The following PLEK variants were observed in gnomAD, a reference collection of about 807,000 sequenced individuals.
PLEK encodes pleckstrin, also known as platelet 47 kDa protein.
In PLEK, 25 loss-of-function variants were observed where a neutral mutation model predicts 43.9. That is an observed-to-expected ratio of 0.57 (90% CI 0.41 to 0.79). The LOEUF is 0.79. Among genes scored for constraint, PLEK ranks in the 30% least tolerant of loss-of-function variants. The pLI, the probability that PLEK is intolerant of heterozygous loss-of-function variation, is 0.00. For synonymous variants in PLEK, 152 were observed against 144.4 expected (o/e 1.05, Z -0.38); for missense variants, 396 against 413.3 (o/e 0.96, Z 0.36).
rs1461933894 is a variant in PLEK at position 68,384,161 on chromosome 2, TTCTCCTTCTC to T, written c.472+1529_472+1538del. On this transcript the variant is annotated intron_variant, in intron 4 of 8. Transcript: ENST00000234313. The stretch of plus-strand genomic sequence containing the variant: ...GCTGGTTTTTTTCTTCTTGTTCTCC[TTCTCCTTCTC>T]CTTCTCCTTCTCCTTCTCCTTCTCC... 3.7e-4 allele frequency among the ~76,000 whole-genome samples: 3 copies of T among 8,178 alleles called. No homozygotes were observed. In the African/African-American group the frequency reaches 4.2e-3, roughly 12 times the overall value. The allele number at this position is 8,178 out of a possible 152,430, so 5.4% of individuals were successfully genotyped here. A position where few individuals can be genotyped will look rare whatever the true frequency, so the allele number is the denominator to read the frequency against.
intron 5 of PLEK, 21 bp downstream of exon 5, chr2:68,386,707 C>G (rs754844382): frequency 1.1e-5 from 17 of 1,589,302 alleles, no homozygotes; most frequent in Non-Finnish European, 1.5e-5. Context: ...CTCCCCATCT[C>G]TTCTTCCTGT....
intron 1 of PLEK, among the ~76,000 whole-genome samples, chr2:68,367,933 T>G (rs1673316173): frequency 6.6e-6 from 1 of 152,242 alleles, no homozygotes; most frequent in Non-Finnish European, 1.5e-5. Flanking sequence ...CTTTGTCCTG[T>G]GTCTTGTTTT....
At chr2:68,380,291 G>A (rs1361964467) in intron 1 of PLEK, 37 bp from the exon 2 acceptor site, 1 of 1,565,730 alleles carries the variant, frequency 6.4e-7, no homozygotes, top group Admixed American at 1.8e-5. Flanking sequence ...TTTGCAAAGA[G>A]CCCTGTCCAT....
rs1437540234 is a variant in PLEK at position 68,386,589 on chromosome 2, A to G, written c.560A>G (p.Glu187Gly). 3 of 1,613,386 alleles carry G rather than the reference A, an allele frequency of 1.9e-6. No homozygotes were observed. The highest frequency in any genetic ancestry group is 2.5e-6 in the Non-Finnish European group (3 of 1,179,442). Reference protein sequence around the residue: ...GLMIASSLLNEGYLQPAGDMS... With the variant: ...GLMIASSLLNGGYLQPAGDMS... ...ATGATTGCTTCATCGCTGCTCAATG[A>G]GGGGTATCTGCAGCCTGCTGGAGAC... The change falls in exon 5 of 9, where the codon GAG (glutamate) becomes GGG (glycine). Residue 187 changes from glutamate to glycine, a missense_variant. Coordinates refer to ENST00000234313, the MANE Select transcript of PLEK (RefSeq NM_002664.3).
At chr2:68,394,281 G>A (rs1312147522) in intron 8 of PLEK, 105 bp downstream of exon 8, 1 of 786,118 alleles carries the variant, frequency 1.3e-6, no homozygotes, top group African/African-American at 1.7e-5. Flanking sequence ...ATCAGGATAA[G>A]CAGGAATGGG....
chr2:68,395,854 C>G lies in PLEK; in HGVS notation c.*38C>G, dbSNP rs1224791980. 8.2e-6 allele frequency: 13 copies of G among 1,583,354 alleles called. No individual in the cohort carries two copies. Among genetic ancestry groups the G allele is most frequent in the African/African-American group, 2.7e-5 (2 of 74,274 alleles). On this transcript the variant is annotated 3_prime_UTR_variant, in exon 9 of 9. Transcript: ENST00000234313. ...ATTCCTCCTCCCCTCCTGAGGGAAG[C>G]CCATGGACAAGCTCAGTCCAGGACC...
At chr2:68,365,507 G>A (rs541499028) in intron 1 of PLEK, 114 bp downstream of exon 1, 305 of 857,384 alleles carry the variant, frequency 3.6e-4, no homozygotes, top group Non-Finnish European at 5.3e-4. Context: ...AACCAGTTGG[G>A]TTGAAATAGG....
intron 5 of PLEK, 102 bp downstream of exon 5, chr2:68,386,788 G>A (rs1673752770): frequency 1.1e-6 from 1 of 874,384 alleles, no homozygotes. Context: ...CTGTTAGGCA[G>A]CGGGTAGGGA....
chr2:68,376,291 C>G (rs1050120357), intron 1 of PLEK, among the ~76,000 whole-genome samples: 1 of 152,152 alleles, frequency 6.6e-6, no homozygotes, highest in African/African-American at 2.4e-5. Context: ...GAAAACAAAC[C>G]ACATAAAGTC....
chr2:68,371,797 G>GTT (rs55900996), intron 1 of PLEK, among the ~76,000 whole-genome samples: 13 of 151,172 alleles, frequency 8.6e-5, no homozygotes, highest in Middle Eastern at 3.4e-3. Flanking sequence ...AACGAGTTTA[G>GTT]TTTTTTTTTG....
chr2:68,380,845 G>T lies in PLEK; in HGVS notation c.321G>T (p.Gln107His), dbSNP rs775731268. Residue 107 changes from glutamine (Q) to histidine (H), a missense_variant, in exon 3 of 9, where the codon CAG (glutamine) becomes CAT (histidine). Gln to His is a conservative substitution (Grantham distance 24). Transcript: ENST00000234313. ...KKAIKCIEGG[Q>H]KFARKSTRRS... ...CCATTAAATGCATTGAAGGAGGCCA[G>T]AAATTTGCCAGGAAATCTACCAGGA... 2.5e-6 allele frequency: 4 copies of T among 1,614,090 alleles called. No individual in the cohort carries two copies. In the South Asian group the frequency reaches 4.4e-5, roughly 18 times the overall value.
intron 4 of PLEK, among the ~76,000 whole-genome samples, chr2:68,385,672 C>G (rs1673725397): frequency 2.6e-5 from 4 of 152,086 alleles, no homozygotes; most frequent in African/African-American, 9.7e-5. Context: ...TCAGCTTGTG[C>G]TGGTTCCTCT....
At chr2:68,365,997 T>C (rs1408370532) in intron 1 of PLEK, among the ~76,000 whole-genome samples, 1 of 152,170 alleles carries the variant, frequency 6.6e-6, no homozygotes, top group Non-Finnish European at 1.5e-5. Context: ...ATTTTAAAGA[T>C]TAGGGTACTG....
At chr2:68,387,185 T>C (rs1673764781) in intron 5 of PLEK, among the ~76,000 whole-genome samples, 2 of 152,160 alleles carry the variant, frequency 1.3e-5, no homozygotes, top group Admixed American at 1.3e-4. Flanking sequence ...TTCGTATTTT[T>C]AGTAAAGACA....
chr2:68,380,399 G>A lies in PLEK; in HGVS notation c.114G>A (p.Lys38=). The part of the protein sequence containing the change: ...LLEDGIEFYK[K]KSDNSPKGMI... The stretch of plus-strand genomic sequence containing the variant: ...AAGATGGAATTGAATTCTATAAGAA[G>A]AAAAGTGACAACAGCCCCAAAGGAA... The change falls in exon 2 of 9, where the codon AAG becomes AAA. Residue 38 remains lysine (K), a synonymous_variant. Coordinates refer to ENST00000234313, the MANE Select transcript of PLEK (RefSeq NM_002664.3). 2 of 1,613,764 alleles carry A rather than the reference G, an allele frequency of 1.2e-6. No individual in the cohort carries two copies. The highest frequency in any genetic ancestry group is 1.7e-6 in the Non-Finnish European group (2 of 1,179,642).
chr2:68,379,465 C>T (rs1673568630), intron 1 of PLEK, among the ~76,000 whole-genome samples: 1 of 151,898 alleles, frequency 6.6e-6, no homozygotes, highest in Non-Finnish European at 1.5e-5. Flanking sequence ...TTGTATTTTT[C>T]TCCTCAAAAT....
At chr2:68,372,863 A>G (rs1673437553) in intron 1 of PLEK, among the ~76,000 whole-genome samples, 1 of 152,176 alleles carries the variant, frequency 6.6e-6, no homozygotes, top group African/African-American at 2.4e-5. Flanking sequence ...ATGACATCTG[A>G]GGGGAAGGGA....
At chr2:68,393,389 C>CT (rs36050680) in intron 7 of PLEK, 144 bp downstream of exon 7, 1 of 632,348 alleles carries the variant, frequency 1.6e-6, no homozygotes, top group Non-Finnish European at 2.9e-6. Context: ...TCTCCTCTAC[C>CT]TTTTTCTATC....
chr2:68,367,089 G>T (rs962415865), intron 1 of PLEK, among the ~76,000 whole-genome samples: 1 of 152,104 alleles, frequency 6.6e-6, no homozygotes, highest in Non-Finnish European at 1.5e-5. Context: ...GATTGTAAAA[G>T]CCAATCTAGA....
Sources: gnomAD v4.1 joint callset for allele counts (sites outside exome capture counted in the v4.1 genomes callset) on GRCh38, gnomAD v4.1.1 for gene constraint, MANE v1.5 for transcripts, NCBI Gene and HGNC (gene_info 2026-07-23, HGNC 2026-07-21) for gene names.